Variants in SYNJ2 observed in about 807,000 individuals in gnomAD.
The protein encoded by SYNJ2 is synaptojanin 2.
Under a neutral mutation model 141.3 loss-of-function variants are expected in SYNJ2, and 116 were observed. The observed-to-expected ratio is 0.82, with a 90% CI of 0.71 to 0.96. The LOEUF (loss-of-function observed/expected upper bound fraction) is 0.96, where lower values mean the gene tolerates loss of function less well. Among genes scored for constraint, SYNJ2 ranks in the 40% least tolerant of loss-of-function variants. The pLI is 0.00. For missense variants in SYNJ2, 1,873 were observed against 1,934.8 expected, an observed-to-expected ratio of 0.97 and a Z score of 0.60; for synonymous variants, 745 against 777.7, an observed-to-expected ratio of 0.96 and a Z score of 0.70.
Position 158,070,763 on chromosome 6 carries a change from T to A in SYNJ2, c.1941-839T>A, listed in dbSNP as rs1398449265. On this transcript the variant is annotated intron_variant, in intron 14 of 26. Transcript: ENST00000355585. This position sits in a 1 kb window ranked among gnomAD's most constrained non-coding sequence, Gnocchi z 4.0. ...TTAACAAATGTGCTTGCAGCCCATGTTTCTATGGACTCGTATGCGTCATAA... is the reference window on the plus strand; with the variant it reads ...TTAACAAATGTGCTTGCAGCCCATGATTCTATGGACTCGTATGCGTCATAA... Among the ~76,000 whole-genome samples, 1 of 152,206 alleles carries A rather than the reference T, an allele frequency of 6.6e-6. No individual in the cohort carries two copies. Among genetic ancestry groups the A allele is most frequent in the African/African-American group, 2.4e-5 (1 of 41,456 alleles).
chr6:157,999,191 C>T (rs1423099983), intron 1 of SYNJ2, among the ~76,000 whole-genome samples: 1 of 152,228 alleles, frequency 6.6e-6, no homozygotes, highest in Non-Finnish European at 1.5e-5. Context: ...AACAATGGAG[C>T]CAGTGTGGCC....
At chr6:158,007,937 C>T (rs1486062042) in intron 1 of SYNJ2, among the ~76,000 whole-genome samples, 1 of 152,140 alleles carries the variant, frequency 6.6e-6, no homozygotes, top group African/African-American at 2.4e-5. Flanking sequence ...CACAGGCTCC[C>T]ACCACCACGC....
intron 1 of SYNJ2, among the ~76,000 whole-genome samples, chr6:158,011,244 C>T (rs1366153842): frequency 6.6e-6 from 1 of 152,138 alleles, no homozygotes; most frequent in Non-Finnish European, 1.5e-5. Flanking sequence ...GCAGCAAACA[C>T]AAGACACAGG....
intron 1 of SYNJ2, among the ~76,000 whole-genome samples, chr6:157,991,468 AG>A (rs1777422038): frequency 6.6e-6 from 1 of 152,128 alleles, no homozygotes; most frequent in East Asian, 1.9e-4. Context: ...CTTGGGAGGG[AG>A]GAGACCTGAA....
rs60234675 is a variant in SYNJ2, at chr6:158,081,605, CTTTTTTT to C, written c.2865+119_2865+125del. 5.0e-3 allele frequency: 1,052 copies of C among 212,108 alleles called. 3 individuals are homozygous for C. Among genetic ancestry groups the C allele is most frequent in the South Asian group, 0.011 (309 of 28,018 alleles). 13.1% of individuals were successfully genotyped at this position (212,108 alleles called of 1,614,324 possible). ...TTCCTCCTCTTGCCCTGACCTGTGCCTTTTTTTTTTTTTTTTTTTTTTTTTTTTTTCT... is the reference window on the plus strand; with the variant it reads ...TTCCTCCTCTTGCCCTGACCTGTGCCTTTTTTTTTTTTTTTTTTTTTTTCT... On this transcript the variant is annotated intron_variant, in intron 20 of 26. Coordinates refer to ENST00000355585, the MANE Select transcript of SYNJ2 (RefSeq NM_003898.4).
rs780491932 is a variant in SYNJ2 at position 158,089,842 on chromosome 6, A to G, written c.3460A>G (p.Lys1154Glu). The stretch of plus-strand genomic sequence containing the variant: ...TCTTCCTCATTCTGTCCTCAAGCCC[A>G]AGGCTCGGACTGGAATAAGTAAACC... ...LLPGAPQQPP[K>E]ARTGISKPYN... Residue 1154 changes from lysine (K) to glutamate (E), a missense_variant, in exon 25 of 27, where the codon AAG (lysine) becomes GAG (glutamate). Lys to Glu is a moderately conservative substitution (Grantham distance 56, BLOSUM62 1). Transcript: ENST00000355585. The G allele has an allele frequency of 9.9e-6, 16 of 1,613,202 alleles. No individual in the cohort carries two copies. The South Asian group carries it at 1.8e-4, about 18-fold the overall frequency.
intron 1 of SYNJ2, among the ~76,000 whole-genome samples, chr6:157,989,900 G>T (rs1323722230): frequency 7.0e-6 from 1 of 143,452 alleles, no homozygotes; most frequent in Non-Finnish European, 1.5e-5. Flanking sequence ...TGACCCTGTG[G>T]GCTTTTCTGG....
intron 6 of SYNJ2, among the ~76,000 whole-genome samples, chr6:158,057,075 C>T (rs895529646): frequency 1.3e-5 from 2 of 152,084 alleles, no homozygotes; most frequent in South Asian, 2.1e-4. Flanking sequence ...CCCCGCTCTG[C>T]GGGCGGCTGC....
chr6:158,055,103 G>A, intron 6 of SYNJ2, 75 bp downstream of exon 6: 1 of 1,540,396 alleles, frequency 6.5e-7, no homozygotes, highest in African/African-American at 1.4e-5. Flanking sequence ...ACACAAGGGA[G>A]AGGGTGCGAC....
chr6:157,982,171 T>A lies in SYNJ2; in HGVS notation c.127+83T>A, dbSNP rs1391006405. 8.0e-7 allele frequency: 1 copy of A among 1,244,304 alleles called. No individual in the cohort carries two copies. The highest frequency in any genetic ancestry group is 1.6e-5 in the African/African-American group (1 of 63,876). The allele number at this position is 1,244,304 out of a possible 1,614,324, so 77.1% of individuals were successfully genotyped here. On this transcript the variant is annotated intron_variant, in intron 1 of 26. Coordinates refer to ENST00000355585, the MANE Select transcript of SYNJ2 (RefSeq NM_003898.4). The surrounding 1 kb of genome is among the most constrained non-coding windows in gnomAD (Gnocchi z 4.0). ...CCTCGGGAAGACGGGTACCCCCCCT[T>A]CCCGAGGGGATCGGGCGGCGCTGGG...
At position 158,095,919 on chromosome 6, in the gene SYNJ2, T is replaced by C; in HGVS notation, c.4046T>C (p.Leu1349Pro). Residue 1349 changes from leucine to proline, a missense_variant, in exon 27 of 27, where the codon CTG becomes CCG. By Grantham distance (98) the Leu-to-Pro change is moderately conservative. Coordinates refer to ENST00000355585, the MANE Select transcript of SYNJ2 (RefSeq NM_003898.4). ...SAPAAFHLQV[L>P]QSNSQLLQGL... ...CCCGCAGCCTTCCACCTGCAGGTCC[T>C]GCAGAGCAACAGCCAGCTTCTCCAG... The C allele has an allele frequency of 1.9e-6, 3 of 1,614,128 alleles. No homozygotes were observed. Among genetic ancestry groups the C allele is most frequent in the African/African-American group, 2.7e-5 (2 of 75,060 alleles).
At chr6:158,064,539 G>A (rs1470846198) in intron 9 of SYNJ2, 62 bp from the exon 10 acceptor site, 1 of 1,589,352 alleles carries the variant, frequency 6.3e-7, no homozygotes, top group African/African-American at 1.3e-5. Context: ...AACCTCCTGG[G>A]ACAGTGGCTG....
intron 5 of SYNJ2, among the ~76,000 whole-genome samples, chr6:158,045,099 C>CTTTTT (rs761042284): frequency 2.7e-5 from 3 of 112,312 alleles, no homozygotes; most frequent in Non-Finnish European, 3.6e-5. Flanking sequence ...AGGGGTCCTC[C>CTTTTT]TTTTTTTTTT....
Position 158,070,546 on chromosome 6 carries a change from A to G in SYNJ2, c.1940+873A>G. ...AAGGCAAGGGCGGGGTGAGGGTGAG[A>G]GGTAAAGCATTTGAGAAAGGGCTCA... On this transcript the variant is annotated intron_variant, in intron 14 of 26. Transcript: ENST00000355585. This position sits in a 1 kb window ranked among gnomAD's most constrained non-coding sequence, Gnocchi z 4.0. 11 of 980,888 alleles carry G rather than the reference A, an allele frequency of 1.1e-5. No individual in the cohort carries two copies. The highest frequency in any genetic ancestry group is 1.3e-5 in the Non-Finnish European group (11 of 825,922). The allele number at this position is 980,888 out of a possible 1,614,324, so 60.8% of individuals were successfully genotyped here.
chr6:158,055,058 G>A lies in SYNJ2; in HGVS notation c.857+30G>A, dbSNP rs775850336. On this transcript the variant is annotated intron_variant, in intron 6 of 26. Coordinates refer to ENST00000355585, the MANE Select transcript of SYNJ2 (RefSeq NM_003898.4). ...GGATTGTCTGACACCATCCAAGCCT[G>A]TCATTGTCATCCTTAGACATCGTCC... is the stretch of plus-strand genomic sequence containing the variant. 6.1e-5 allele frequency: 99 copies of A among 1,611,354 alleles called. No homozygotes were observed. In the South Asian group the frequency reaches 6.5e-4, roughly 11 times the overall value.
In SYNJ2 at chr6:158,083,601, A is replaced by G. The variant is rs1438368088; in HGVS notation, c.3034+4A>G. 1.6e-5 allele frequency: 26 copies of G among 1,614,018 alleles called. No individual in the cohort carries two copies. The Admixed American group carries it at 3.8e-4, about 24-fold the overall frequency. ...AGTTTGGACTATGAGTCAGAAGGTTAGTGACCCTGCAGGGAGGGACAGGCA... is the reference window on the plus strand; with the variant it reads ...AGTTTGGACTATGAGTCAGAAGGTTGGTGACCCTGCAGGGAGGGACAGGCA... On this transcript the variant is annotated splice_donor_region_variant and intron_variant, in intron 21 of 26. Coordinates refer to ENST00000355585, the MANE Select transcript of SYNJ2 (RefSeq NM_003898.4).
At chr6:158,028,664 G>A in intron 2 of SYNJ2, 92 bp from the exon 3 acceptor site, 4 of 1,528,212 alleles carry the variant, frequency 2.6e-6, no homozygotes, top group Non-Finnish European at 2.6e-6. Flanking sequence ...CTTCCTGGCT[G>A]CGGTTGAACC....
intron 2 of SYNJ2, among the ~76,000 whole-genome samples, chr6:158,022,600 G>A (rs1201786094): frequency 1.3e-5 from 2 of 152,240 alleles, no homozygotes; most frequent in Admixed American, 1.3e-4. Context: ...GGCCCAGAGA[G>A]GGTAAGAGCC....
intron 1 of SYNJ2, 122 bp from the exon 2 acceptor site, chr6:158,017,081 GC>G: frequency 7.0e-7 from 1 of 1,428,512 alleles, no homozygotes; most frequent in Non-Finnish European, 9.2e-7. Context: ...TGTGGGCCGA[GC>G]TATTGTCTTT....
Sources: allele counts gnomAD v4.1 joint callset (sites outside exome capture counted in the v4.1 genomes callset), GRCh38; gene constraint gnomAD v4.1.1; non-coding constraint Gnocchi (gnomAD v3.1); transcripts MANE v1.5; gene names NCBI Gene and HGNC (gene_info 2026-07-23, HGNC 2026-07-21).